TNFSF4: variants seen among roughly 807,000 people sequenced by gnomAD.
TNFSF4 encodes the protein TNF superfamily member 4.
Under a neutral mutation model 7.3 loss-of-function variants are expected in TNFSF4, and 4 were observed. The ratio of observed to expected loss-of-function variants is 0.55; its 90% CI spans 0.27 to 1.25. The LOEUF (loss-of-function observed/expected upper bound fraction) is 1.25, where lower values mean the gene tolerates loss of function less well. TNFSF4 is among the 50% of genes most tolerant of loss of function. The probability of loss-of-function intolerance (pLI) is 0.12; values close to 1 mark genes in which losing one functional copy is unlikely to be tolerated. For synonymous variants in TNFSF4, 76 were observed against 83.7 expected (o/e 0.91, Z 0.50); for missense variants, 181 against 208.8 (o/e 0.87, Z 0.82).
the TNFSF4 span, among the ~76,000 whole-genome samples, chr1:173,244,558 C>T: frequency 6.0e-4 from 88 of 147,002 alleles, no homozygotes; most frequent in African/African-American, 1.9e-3. Flanking sequence ...AGGAGAATGG[C>T]GTGAACCCGG....
At chr1:173,215,622 A>C in the TNFSF4 span, among the ~76,000 whole-genome samples, 2 of 152,230 alleles carry the variant, frequency 1.3e-5, no homozygotes, top group Non-Finnish European at 2.9e-5. Context: ...AAAACAAACA[A>C]ACAAAAAACC....
At chr1:173,248,847 G>A in the TNFSF4 span, among the ~76,000 whole-genome samples, 2 of 152,114 alleles carry the variant, frequency 1.3e-5, no homozygotes. Flanking sequence ...GCATCTAGTG[G>A]CTAAATTGAG....
chr1:173,320,526 G>A, the TNFSF4 span, among the ~76,000 whole-genome samples: 3 of 152,122 alleles, frequency 2.0e-5, no homozygotes, highest in South Asian at 4.1e-4. Context: ...TAGGAAGAAA[G>A]GAACTCAAAT....
the TNFSF4 span, among the ~76,000 whole-genome samples, chr1:173,279,551 G>A: frequency 1.3e-5 from 2 of 152,158 alleles, no homozygotes; most frequent in South Asian, 2.1e-4. Context: ...AAATATCATG[G>A]TCCAAAACTG....
At chr1:173,323,406 CA>C in the TNFSF4 span, among the ~76,000 whole-genome samples, 1 of 151,558 alleles carries the variant, frequency 6.6e-6, no homozygotes, top group Non-Finnish European at 1.5e-5. Context: ...CATCAAAGAC[CA>C]AAGGTAAAAA....
At chr1:173,182,054 G>A (rs547918167), downstream of TNFSF4, among the ~76,000 whole-genome samples, 4 of 152,120 alleles carry the variant, frequency 2.6e-5, no homozygotes, top group Non-Finnish European at 5.9e-5. Context: ...CATTCCATTT[G>A]ATATTTTAAA....
the TNFSF4 span, among the ~76,000 whole-genome samples, chr1:173,244,620 C>T: frequency 1.5e-5 from 2 of 133,616 alleles, no homozygotes; most frequent in Non-Finnish European, 3.1e-5. Flanking sequence ...CCAGCCTGGG[C>T]GACAGAGCGA....
At chr1:173,378,865 C>T in the TNFSF4 span, among the ~76,000 whole-genome samples, 1 of 102,190 alleles carries the variant, frequency 9.8e-6, no homozygotes, top group Non-Finnish European at 2.1e-5. Context: ...CAAGGGACCA[C>T]AAGAACCCCC....
In TNFSF4 at chr1:173,186,351, A is replaced by C; in HGVS notation, c.*165T>G. On this transcript the variant is annotated 3_prime_UTR_variant, in exon 3 of 3. Transcript: ENST00000281834. ...TAACTGGTATATAAAATAAGTTTTA[A>C]ATATCCCTGAGGGGTGGGGGCGGGA... 2 of 577,214 alleles carry C rather than the reference A, an allele frequency of 3.5e-6. No homozygotes were observed. Among genetic ancestry groups the C allele is most frequent in the East Asian group, 2.8e-5 (1 of 35,934 alleles). The allele number at this position is 577,214 out of a possible 1,614,324, so 35.8% of individuals were successfully genotyped here.
At chr1:173,349,027 A>T in the TNFSF4 span, among the ~76,000 whole-genome samples, 1 of 151,336 alleles carries the variant, frequency 6.6e-6, no homozygotes, top group Non-Finnish European at 1.5e-5. Context: ...GCTTGTTTTT[A>T]TTATTATTAT....
chr1:173,396,293 T>C, the TNFSF4 span, among the ~76,000 whole-genome samples: 5 of 152,172 alleles, frequency 3.3e-5, no homozygotes, highest in African/African-American at 7.2e-5. Flanking sequence ...AAGGATCACT[T>C]GAGCCCAGGA....
the TNFSF4 span, among the ~76,000 whole-genome samples, chr1:173,342,293 C>A: frequency 2.0e-5 from 3 of 152,136 alleles, no homozygotes; most frequent in Non-Finnish European, 2.9e-5. Context: ...GCTACCCCTT[C>A]CCCATATACC....
chr1:173,315,619 G>A, the TNFSF4 span, among the ~76,000 whole-genome samples: 57 of 152,264 alleles, frequency 3.7e-4, no homozygotes, highest in Non-Finnish European at 3.5e-4. Flanking sequence ...AGGCTACTGT[G>A]GGTGAGAAAA....
the TNFSF4 span, among the ~76,000 whole-genome samples, chr1:173,336,681 T>G: frequency 7.2e-5 from 11 of 152,310 alleles, no homozygotes; most frequent in Non-Finnish European, 1.5e-4. Flanking sequence ...GATGACATTA[T>G]GCCAATTGGA....
downstream of TNFSF4, among the ~76,000 whole-genome samples, chr1:173,180,561 A>C (rs1318536090): frequency 6.6e-6 from 1 of 152,186 alleles, no homozygotes; most frequent in Non-Finnish European, 1.5e-5. Flanking sequence ...TAGACTTTCA[A>C]ATGTCTGCCT....
At chr1:173,381,949 G>A in the TNFSF4 span, among the ~76,000 whole-genome samples, 3 of 152,236 alleles carry the variant, frequency 2.0e-5, no homozygotes, top group South Asian at 4.1e-4. Flanking sequence ...GCACCAATCA[G>A]TGCTCTGTGA....
chr1:173,275,202 G>A, the TNFSF4 span, among the ~76,000 whole-genome samples: 11 of 152,080 alleles, frequency 7.2e-5, no homozygotes, highest in African/African-American at 9.7e-5. Flanking sequence ...GGAAGGGAAC[G>A]ACACAGAACA....
chr1:173,183,465 A>G (rs1463252284), downstream of TNFSF4, among the ~76,000 whole-genome samples: 3 of 152,188 alleles, frequency 2.0e-5, no homozygotes, highest in Non-Finnish European at 4.4e-5. Flanking sequence ...GTTCTGAGGA[A>G]AGGAAAAACA....
At chr1:173,252,987 G>A in the TNFSF4 span, among the ~76,000 whole-genome samples, 19 of 152,310 alleles carry the variant, frequency 1.2e-4, no homozygotes, top group South Asian at 3.5e-3. Context: ...AACTATAAAA[G>A]ATTCCCATCC....
Sources: allele counts gnomAD v4.1 joint callset (sites outside exome capture counted in the v4.1 genomes callset), GRCh38; gene constraint gnomAD v4.1.1; transcripts MANE v1.5; gene names NCBI Gene and HGNC (gene_info 2026-07-23, HGNC 2026-07-21).